KCNQ1: variants seen among roughly 807,000 people sequenced by gnomAD.
The protein encoded by KCNQ1 is potassium voltage-gated channel subfamily Q member 1.
In KCNQ1, 49 loss-of-function variants were observed where a neutral mutation model predicts 72.4. The ratio of observed to expected loss-of-function variants is 0.68; its 90% CI spans 0.54 to 0.86. The LOEUF (loss-of-function observed/expected upper bound fraction) is 0.86, where lower values mean the gene tolerates loss of function less well. Ranked by LOEUF, KCNQ1 falls within the 40% of genes least tolerant of loss-of-function variation. KCNQ1 has a pLI of 0.00. For synonymous variants in KCNQ1, 450 were observed against 412.6 expected (o/e 1.09, Z -1.10); for missense variants, 790 against 945.1 (o/e 0.84, Z 2.15).
At position 2,709,067 on chromosome 11, in the gene KCNQ1, G is replaced by A. The variant is rs188031873; in HGVS notation, c.1514+46986G>A. ...TACCTTTGGGGCTGCCTGCTCCACC[G>A]CCCCTCCCTGAGGCTGCCATCACTG... On this transcript the variant is annotated intron_variant, in intron 11 of 15. Coordinates refer to ENST00000155840, the MANE Select transcript of KCNQ1 (RefSeq NM_000218.3). Among the ~76,000 whole-genome samples, 434 of 152,186 alleles carry A rather than the reference G, an allele frequency of 2.9e-3. 2 individuals carry two copies. The highest frequency in any genetic ancestry group is 4.7e-3 in the Non-Finnish European group (320 of 67,998).
At chr11:2,751,174 C>A (rs1203235683) in intron 11 of KCNQ1, among the ~76,000 whole-genome samples, 1 of 152,164 alleles carries the variant, frequency 6.6e-6, no homozygotes, top group African/African-American at 2.4e-5. Context: ...TGCCGGGCTC[C>A]GCTCGTCCCT....
chr11:2,768,301 T>C lies in KCNQ1; in HGVS notation c.1515-543T>C, dbSNP rs113498777. On this transcript the variant is annotated intron_variant, in intron 11 of 15. Coordinates refer to ENST00000155840, the MANE Select transcript of KCNQ1 (RefSeq NM_000218.3). The surrounding 1 kb of genome is among the most constrained non-coding windows in gnomAD (Gnocchi z 6.7). ...GGATCTTTATTTCTAGAAGAAACTT[T>C]AGGAGGCAAAAACAGCGCAGCCCCC... 1.6e-3 allele frequency among the ~76,000 whole-genome samples: 242 copies of C among 152,342 alleles called. 1 individual carries two copies. The highest frequency in any genetic ancestry group is 5.6e-3 in the African/African-American group (232 of 41,576).
intron 1 of KCNQ1, among the ~76,000 whole-genome samples, chr11:2,510,490 C>T (rs1589919972): frequency 6.6e-6 from 1 of 152,120 alleles, no homozygotes; most frequent in East Asian, 1.9e-4. Context: ...ATCTGTAGTC[C>T]CAGCTACCCT....
intron 11 of KCNQ1, among the ~76,000 whole-genome samples, chr11:2,717,232 C>T (rs373547829): frequency 1.9e-3 from 282 of 152,240 alleles, no homozygotes; most frequent in Non-Finnish European, 2.5e-3. Flanking sequence ...ACGGCTTGGT[C>T]GGGTCACCTG....
Position 2,606,892 on chromosome 11 carries a change from ATTTTTTTTTT to A in KCNQ1, c.1393+18057_1393+18066del, listed in dbSNP as rs869121696. Among the ~76,000 whole-genome samples the A allele has an allele frequency of 1.1e-3, 88 of 82,764 alleles. 1 individual carries two copies. Among genetic ancestry groups the A allele is most frequent in the African/African-American group, 3.9e-3 (73 of 18,946 alleles). 54.3% of individuals were successfully genotyped at this position (82,764 alleles called of 152,430 possible). On this transcript the variant is annotated intron_variant, in intron 10 of 15. Coordinates refer to ENST00000155840, the MANE Select transcript of KCNQ1 (RefSeq NM_000218.3). Reference sequence around the variant, plus strand: ...ACTGTTAAGTATGATATTATCTGTGATTTTTTTTTTTTTTTTTTTTTTTTTTTTGAGACAG... The same window carrying A: ...ACTGTTAAGTATGATATTATCTGTGATTTTTTTTTTTTTTTTTTGAGACAG...
intron 2 of KCNQ1, among the ~76,000 whole-genome samples, chr11:2,545,489 A>C (rs2133685026): frequency 6.6e-6 from 1 of 152,322 alleles, no homozygotes; most frequent in East Asian, 1.9e-4. Context: ...AGTTATATTC[A>C]GTTGATTGAT....
intron 15 of KCNQ1, among the ~76,000 whole-genome samples, chr11:2,788,215 C>T (rs1173899652): frequency 6.6e-6 from 1 of 152,056 alleles, no homozygotes; most frequent in African/African-American, 2.4e-5. Context: ...TTCTCCACAG[C>T]ATCCTCCCCA....
Position 2,495,949 on chromosome 11 carries a change from G to A in KCNQ1, c.387-31979G>A, listed in dbSNP as rs768935244. Among the ~76,000 whole-genome samples, 17 of 152,066 alleles carry A rather than the reference G, an allele frequency of 1.1e-4. No individual in the cohort carries two copies. The highest frequency in any genetic ancestry group is 3.4e-4 in the African/African-American group (14 of 41,390). The stretch of plus-strand genomic sequence containing the variant: ...ATTGACAGTGGAGTGTTAAAGTCTC[G>A]CACTGTTATTGAGTAGGAATATAAG... On this transcript the variant is annotated intron_variant, in intron 1 of 15. Transcript: ENST00000155840. This position sits in a 1 kb window ranked among gnomAD's most constrained non-coding sequence, Gnocchi z 4.6.
intron 1 of KCNQ1, among the ~76,000 whole-genome samples, chr11:2,521,799 C>T (rs1476243466): frequency 6.6e-6 from 1 of 152,264 alleles, no homozygotes; most frequent in Non-Finnish European, 1.5e-5. Context: ...GCACAGCCCC[C>T]ACCCGGACTG....
At position 2,670,256 on chromosome 11, in the gene KCNQ1, A is replaced by AG; in HGVS notation, c.1514+8176dup. On this transcript the variant is annotated intron_variant, in intron 11 of 15. Transcript: ENST00000155840. This position sits in a 1 kb window ranked among gnomAD's most constrained non-coding sequence, Gnocchi z 4.9. ...GACCCTGCACATGACGGGCGAGGGA[A>AG]GAGGACCATGGTAGCTTGTCTCTAG... 2.5e-6 allele frequency: 1 copy of AG among 398,608 alleles called. No homozygotes were observed. Among genetic ancestry groups the AG allele is most frequent in the South Asian group, 1.3e-4 (1 of 7,852 alleles). 24.7% of individuals were successfully genotyped at this position (398,608 alleles called of 1,614,324 possible).
intron 10 of KCNQ1, chr11:2,634,337 C>G (rs1467989767): frequency 2.7e-5 from 5 of 182,856 alleles, no homozygotes; most frequent in Non-Finnish European, 4.6e-5. Flanking sequence ...TCCCCCCCCA[C>G]CCCACAACAG....
At chr11:2,551,257 C>T (rs1466959896) in intron 2 of KCNQ1, among the ~76,000 whole-genome samples, 4 of 152,200 alleles carry the variant, frequency 2.6e-5, no homozygotes, top group African/African-American at 9.7e-5. Context: ...CTCCCTGGTA[C>T]CCACTGGCGG....
chr11:2,561,819 G>A (rs537945049), intron 2 of KCNQ1, among the ~76,000 whole-genome samples: 7 of 152,314 alleles, frequency 4.6e-5, no homozygotes, highest in African/African-American at 1.7e-4. Flanking sequence ...CCTCCCCTCC[G>A]AGGAGGTGGG....
At chr11:2,680,830 T>C (rs1051098310) in intron 11 of KCNQ1, 1 of 398,596 alleles carries the variant, frequency 2.5e-6, no homozygotes, top group Non-Finnish European at 4.4e-6. Flanking sequence ...AATCACCTTT[T>C]TGGGATCGGC....
intron 2 of KCNQ1, among the ~76,000 whole-genome samples, chr11:2,540,844 G>A (rs1847811539): frequency 6.6e-6 from 1 of 152,240 alleles, no homozygotes; most frequent in Admixed American, 6.5e-5. Context: ...GTTGGGCTGA[G>A]AAAAGTCCTG....
rs543850523 is a variant in KCNQ1, at chr11:2,542,424, T to C, written c.477+14406T>C. On this transcript the variant is annotated intron_variant, in intron 2 of 15. Transcript: ENST00000155840. ...GGAACCGCCATAGCCTCAGTTTTAT[T>C]TATTCTGCTCACTCAAACAAAAAAT... 9.8e-5 allele frequency among the ~76,000 whole-genome samples: 15 copies of C among 152,356 alleles called. No individual in the cohort carries two copies. The East Asian group carries it at 2.7e-3, about 27-fold the overall frequency.
intron 1 of KCNQ1, among the ~76,000 whole-genome samples, chr11:2,485,538 A>G (rs1263206832): frequency 6.6e-6 from 1 of 152,208 alleles, no homozygotes; most frequent in Non-Finnish European, 1.5e-5. Flanking sequence ...AGATACACTA[A>G]TGCAAAATTT....
rs1846136609 is a variant in KCNQ1 at position 2,746,176 on chromosome 11, C to A, written c.1515-22668C>A. On this transcript the variant is annotated intron_variant, in intron 11 of 15. Coordinates refer to ENST00000155840, the MANE Select transcript of KCNQ1 (RefSeq NM_000218.3). The surrounding 1 kb of genome is among the most constrained non-coding windows in gnomAD (Gnocchi z 5.9). ...AAGTGCTGGGATTATAGGCATGAGGCACCATGCCCAGCCTCTTGCCGTCAT... is the reference window on the plus strand; with the variant it reads ...AAGTGCTGGGATTATAGGCATGAGGAACCATGCCCAGCCTCTTGCCGTCAT... 2.0e-5 allele frequency among the ~76,000 whole-genome samples: 3 copies of A among 152,334 alleles called. 1 individual carries two copies. The highest frequency in any genetic ancestry group is 6.8e-3 in the Middle Eastern group (2 of 294).
intron 10 of KCNQ1, chr11:2,630,851 A>G (rs979629045): frequency 7.5e-6 from 3 of 398,368 alleles, no homozygotes; most frequent in African/African-American, 6.2e-5. Flanking sequence ...TTTGCTGTGT[A>G]AAGTATTCTT....
Sources: allele counts gnomAD v4.1 joint callset (sites outside exome capture counted in the v4.1 genomes callset), GRCh38; gene constraint gnomAD v4.1.1; non-coding constraint Gnocchi (gnomAD v3.1); transcripts MANE v1.5; gene names NCBI Gene and HGNC (gene_info 2026-07-23, HGNC 2026-07-21).